ZNRF2: variants seen among roughly 807,000 people sequenced by gnomAD.
The protein encoded by ZNRF2 is E3 ubiquitin-protein ligase ZNRF2.
ZNRF2 carries 16 observed loss-of-function variants against 20.4 expected under a neutral mutation model. The ratio of observed to expected loss-of-function variants is 0.79; its 90% CI spans 0.53 to 1.19. ZNRF2 has a LOEUF of 1.19. Ranked by LOEUF, ZNRF2 falls within the 50% of genes most tolerant of loss-of-function variation. The probability of loss-of-function intolerance (pLI) is 0.00; values close to 1 mark genes in which losing one functional copy is unlikely to be tolerated. For missense variants in ZNRF2, 363 were observed against 332.4 expected, an observed-to-expected ratio of 1.09 and a Z score of -0.72; for synonymous variants, 178 against 144.9, an observed-to-expected ratio of 1.23 and a Z score of -1.64.
At chr7:30,325,074 TC>T (rs1284799419) in intron 2 of ZNRF2, among the ~76,000 whole-genome samples, 4 of 152,162 alleles carry the variant, frequency 2.6e-5, no homozygotes, top group Non-Finnish European at 4.4e-5. Flanking sequence ...CTCTAGATAT[TC>T]CAAAACCTAG....
At chr7:30,343,527 T>C (rs1273250049) in intron 2 of ZNRF2, among the ~76,000 whole-genome samples, 1 of 152,180 alleles carries the variant, frequency 6.6e-6, no homozygotes, top group Non-Finnish European at 1.5e-5. Flanking sequence ...GCTGCTGTTA[T>C]ATGGGTATAA....
intron 4 of ZNRF2, among the ~76,000 whole-genome samples, chr7:30,364,923 A>G (rs922742300): frequency 3.3e-5 from 5 of 152,064 alleles, no homozygotes; most frequent in African/African-American, 1.2e-4. Flanking sequence ...GTGTCTGATG[A>G]GGGCTCATTG....
chr7:30,313,433 G>C (rs1799320431), intron 1 of ZNRF2, among the ~76,000 whole-genome samples: 1 of 152,030 alleles, frequency 6.6e-6, no homozygotes, highest in South Asian at 2.1e-4. Context: ...GTTAGTGTCG[G>C]GTAAGAAGCT....
In ZNRF2 at chr7:30,323,694, G is replaced by A; in HGVS notation, c.522G>A (p.Leu174=). ...SKFVSSDEMD[L]HLVMCLTKPR... ...TTGTATCCTCAGATGAAATGGATTT[G>A]CATCTTGTAATGTGTTTAACAAAGC... The change falls in exon 2 of 5, where the codon TTG becomes TTA. Residue 174 remains leucine (L), a synonymous_variant. Transcript: ENST00000323037. The A allele has an allele frequency of 3.1e-6, 5 of 1,600,404 alleles. No individual in the cohort carries two copies. Among genetic ancestry groups the A allele is most frequent in the Admixed American group, 1.7e-5 (1 of 57,144 alleles).
At chr7:30,330,857 G>A (rs578134761) in intron 2 of ZNRF2, among the ~76,000 whole-genome samples, 11 of 151,996 alleles carry the variant, frequency 7.2e-5, no homozygotes, top group Non-Finnish European at 1.3e-4. Context: ...TGTGAACTTC[G>A]CCTTCTGTGG....
chr7:30,325,136 A>T (rs577494106), intron 2 of ZNRF2, among the ~76,000 whole-genome samples: 1 of 152,158 alleles, frequency 6.6e-6, no homozygotes, highest in Non-Finnish European at 1.5e-5. Flanking sequence ...CTTGGGGGGG[A>T]AAAATCAAGT....
chr7:30,289,761 C>T (rs1289758749), intron 1 of ZNRF2: 2 of 534,178 alleles, frequency 3.7e-6, no homozygotes, highest in Admixed American at 1.9e-5. Context: ...ATCACCTGAT[C>T]TGAGAGCAGC....
intron 1 of ZNRF2, among the ~76,000 whole-genome samples, chr7:30,313,258 T>C (rs1799318284): frequency 6.6e-6 from 1 of 152,208 alleles, no homozygotes; most frequent in African/African-American, 2.4e-5. Flanking sequence ...ACAGTAGCCA[T>C]AGAGGCTAGA....
intron 1 of ZNRF2, among the ~76,000 whole-genome samples, chr7:30,316,482 A>G (rs1396300262): frequency 6.6e-6 from 1 of 152,076 alleles, no homozygotes; most frequent in Non-Finnish European, 1.5e-5. Context: ...AGGATTTATC[A>G]GAGGATTAAT....
chr7:30,303,975 C>T (rs1474783889), intron 1 of ZNRF2, among the ~76,000 whole-genome samples: 1 of 152,058 alleles, frequency 6.6e-6, no homozygotes. Flanking sequence ...TTTTTCTGTC[C>T]CTTCCCCACC....
chr7:30,352,503 G>A (rs151056584), intron 2 of ZNRF2, among the ~76,000 whole-genome samples: 5 of 152,150 alleles, frequency 3.3e-5, no homozygotes, highest in African/African-American at 1.2e-4. Flanking sequence ...GCATTAAACT[G>A]ATAAGCAATG....
At chr7:30,324,796 ATTGCAAC>A (rs2128063689) in intron 2 of ZNRF2, among the ~76,000 whole-genome samples, 1 of 152,286 alleles carries the variant, frequency 6.6e-6, no homozygotes, top group East Asian at 1.9e-4. Context: ...CATGGTTGAA[ATTGCAAC>A]TTTTTTCTTT....
chr7:30,325,340 A>G (rs746745288), intron 2 of ZNRF2, among the ~76,000 whole-genome samples: 2 of 152,182 alleles, frequency 1.3e-5, no homozygotes, highest in Non-Finnish European at 2.9e-5. Flanking sequence ...GCTAAATTCA[A>G]CATATATTTT....
At position 30,301,700 on chromosome 7, in the gene ZNRF2, T is replaced by TAAAA. The variant is rs61418583; in HGVS notation, c.469+15894_469+15897dup. On this transcript the variant is annotated intron_variant, in intron 1 of 4. Coordinates refer to ENST00000323037, the MANE Select transcript of ZNRF2 (RefSeq NM_147128.4). ...GACTACAGGATAATGAGGCTTTTTT[T>TAAAA]AAAAAAAAAAAAAAAAAAAAAAACT... Among the ~76,000 whole-genome samples, 19 of 115,696 alleles carry TAAAA rather than the reference T, an allele frequency of 1.6e-4. 1 individual carries two copies. Among genetic ancestry groups the TAAAA allele is most frequent in the South Asian group, 2.9e-4 (1 of 3,422 alleles). The allele number at this position is 115,696 out of a possible 152,430, so 75.9% of individuals were successfully genotyped here.
rs548576147 is a variant in ZNRF2, at chr7:30,341,031, A to C, written c.566-14697A>C. On this transcript the variant is annotated intron_variant, in intron 2 of 4. Transcript: ENST00000323037. The stretch of plus-strand genomic sequence containing the variant: ...AGATTTTCTAGTTTATTTGCATAGA[A>C]GTTTTTATAGTATTCTCTGATGGTA... Among the ~76,000 whole-genome samples the C allele has an allele frequency of 5.9e-5, 9 of 152,156 alleles. No individual in the cohort carries two copies. The South Asian group carries it at 1.7e-3, about 28-fold the overall frequency.
In ZNRF2 at chr7:30,366,094, A is replaced by G. The variant is rs1800209422; in HGVS notation, c.*82A>G. 1.3e-5 allele frequency: 2 copies of G among 152,568 alleles called. No homozygotes were observed. The highest frequency in any genetic ancestry group is 2.9e-5 in the Non-Finnish European group (2 of 68,030). 9.5% of individuals were successfully genotyped at this position (152,568 alleles called of 1,614,324 possible). Reference sequence around the variant, plus strand: ...AGAGGATATGAAAATCTGTCTCTGGAGAAACAAAGACGCAGGCATACTCAG... The same window carrying G: ...AGAGGATATGAAAATCTGTCTCTGGGGAAACAAAGACGCAGGCATACTCAG... On this transcript the variant is annotated 3_prime_UTR_variant, in exon 5 of 5. Coordinates refer to ENST00000323037, the MANE Select transcript of ZNRF2 (RefSeq NM_147128.4).
At chr7:30,323,369 C>T (rs1269233227) in intron 1 of ZNRF2, among the ~76,000 whole-genome samples, 1 of 152,122 alleles carries the variant, frequency 6.6e-6, no homozygotes, top group Admixed American at 6.6e-5. Flanking sequence ...AATACCTGGA[C>T]CAGTACATCA....
intron 2 of ZNRF2, among the ~76,000 whole-genome samples, chr7:30,354,153 C>T (rs116181372): frequency 0.017 from 2,511 of 150,990 alleles, 72 homozygotes; most frequent in African/African-American, 0.058. Context: ...ATCTCTAGGG[C>T]CAAGAGAAAA....
At chr7:30,308,041 A>T (rs947705938) in intron 1 of ZNRF2, among the ~76,000 whole-genome samples, 4 of 152,196 alleles carry the variant, frequency 2.6e-5, no homozygotes, top group African/African-American at 9.6e-5. Context: ...TGTTTTCCTG[A>T]TAATGAAGCC....
Sources: gnomAD v4.1 joint callset for allele counts (sites outside exome capture counted in the v4.1 genomes callset) on GRCh38, gnomAD v4.1.1 for gene constraint, MANE v1.5 for transcripts, NCBI Gene and HGNC (gene_info 2026-07-23, HGNC 2026-07-21) for gene names.